The following MKLN1 variants were observed in gnomAD, a reference collection of about 807,000 sequenced individuals.
MKLN1 encodes the protein muskelin 1.
In MKLN1, 18 loss-of-function variants were observed where a neutral mutation model predicts 99.0. The ratio of observed to expected loss-of-function variants is 0.18; its 90% CI spans 0.13 to 0.27. The LOEUF (loss-of-function observed/expected upper bound fraction) is 0.27. Ranked by LOEUF, MKLN1 falls within the 10% of genes least tolerant of loss-of-function variation. The probability of loss-of-function intolerance (pLI) is 1.00; values close to 1 mark genes in which losing one functional copy is unlikely to be tolerated. For synonymous variants in MKLN1, 288 were observed against 293.2 expected, an observed-to-expected ratio of 0.98 and a Z score of 0.18; for missense variants, 621 against 875.9, an observed-to-expected ratio of 0.71 and a Z score of 3.67.
chr7:131,270,062 T>A (rs1335652414), intron 3 of MKLN1, among the ~76,000 whole-genome samples: 1 of 151,776 alleles, frequency 6.6e-6, no homozygotes, highest in African/African-American at 2.4e-5. Flanking sequence ...TAGCTGGGAC[T>A]ACAGGCATTG....
intron 1 of MKLN1, among the ~76,000 whole-genome samples, chr7:131,347,318 AGGAACCT>A (rs1799592220): frequency 6.6e-6 from 1 of 152,228 alleles, no homozygotes; most frequent in Non-Finnish European, 1.5e-5. Flanking sequence ...ATTCAGATGC[AGGAACCT>A]GGTGCTAGAG....
In MKLN1 at chr7:131,133,424, G is replaced by A. The variant is rs183557883; in HGVS notation, c.-418-9396G>A. 1.9e-3 allele frequency among the ~76,000 whole-genome samples: 268 copies of A among 139,510 alleles called. 1 individual carries two copies. The highest frequency in any genetic ancestry group is 6.7e-3 in the African/African-American group (247 of 36,918). 91.5% of individuals were successfully genotyped at this position (139,510 alleles called of 152,430 possible). A position where few individuals can be genotyped will look rare whatever the true frequency, so the allele number is the denominator to read the frequency against. On this transcript the variant is annotated intron_variant, in intron 1 of 7. Coordinates refer to the MKLN1 transcript ENST00000416992. ...GGCTGGAGTGCAGTGGCGTGATCTC[G>A]GCTTACTGCAACCTCCGCTCCCAGG...
At chr7:131,293,125 A>T (rs1798245687) in intron 3 of MKLN1, among the ~76,000 whole-genome samples, 1 of 152,164 alleles carries the variant, frequency 6.6e-6, no homozygotes, top group Admixed American at 6.5e-5. Context: ...AGAGGCTTCT[A>T]CACTCTTTCA....
At chr7:131,155,879 C>T (rs1415940526) in intron 2 of MKLN1, among the ~76,000 whole-genome samples, 1 of 152,140 alleles carries the variant, frequency 6.6e-6, no homozygotes, top group African/African-American at 2.4e-5. Flanking sequence ...GAAGGCAATA[C>T]GCAAAACCAA....
chr7:131,143,924 C>T (rs891132079), intron 2 of MKLN1, among the ~76,000 whole-genome samples: 1 of 152,224 alleles, frequency 6.6e-6, no homozygotes, highest in Admixed American at 6.5e-5. Context: ...ATGTGTAGTT[C>T]AACCATACTC....
In MKLN1 at chr7:131,470,094, T is replaced by C. The variant is rs956954881; in HGVS notation, c.1929-748T>C. Among the ~76,000 whole-genome samples, 3 of 152,280 alleles carry C rather than the reference T, an allele frequency of 2.0e-5. No individual in the cohort carries two copies. In the South Asian group the frequency reaches 6.2e-4, roughly 32 times the overall value. Reference sequence around the variant, plus strand: ...GTTGGCCAAGCTGGTTTCAAACTCCTGGACTCAAGCAGTCCACCCACCTTG... The same window carrying C: ...GTTGGCCAAGCTGGTTTCAAACTCCCGGACTCAAGCAGTCCACCCACCTTG... On this transcript the variant is annotated intron_variant, in intron 15 of 17. Transcript: ENST00000352689.
At chr7:131,142,960 G>GT in intron 2 of MKLN1, 1 of 1,304,206 alleles carries the variant, frequency 7.7e-7, no homozygotes, top group Non-Finnish European at 1.0e-6. Context: ...TGATGTTTTA[G>GT]TTTTTTCTTT....
At chr7:131,440,480 GAAAAACTA>G (rs1340915612) in intron 10 of MKLN1, among the ~76,000 whole-genome samples, 1 of 151,896 alleles carries the variant, frequency 6.6e-6, no homozygotes, top group Non-Finnish European at 1.5e-5. Context: ...AATTACATAT[GAAAAACTA>G]AAAAGCAATA....
intron 3 of MKLN1, among the ~76,000 whole-genome samples, chr7:131,228,571 G>A (rs73491133): frequency 0.027 from 4,102 of 152,128 alleles, 157 homozygotes; most frequent in African/African-American, 0.092. Context: ...TCTCAGCCTC[G>A]CTTTCTTCAT....
chr7:131,413,638 C>T (rs1246542893), intron 7 of MKLN1, among the ~76,000 whole-genome samples: 2 of 151,950 alleles, frequency 1.3e-5, no homozygotes, highest in Admixed American at 6.6e-5. Flanking sequence ...CTCCTGAGTT[C>T]AAGTGATTCT....
In MKLN1 at chr7:131,443,588, C is replaced by T. The variant is rs747534838; in HGVS notation, c.1281C>T (p.Gly427=). Residue 427 remains glycine, a synonymous_variant, in exon 11 of 18, where the codon GGC becomes GGT. Transcript: ENST00000352689. ...GAGCCAGTGAACCACAATTCAGTGG[C>T]TTGTTTGCTTTCAACTGTCAATGTC... ...DSRASEPQFS[G]LFAFNCQCQT... is the part of the protein sequence containing the mutation. 1 of 1,614,042 alleles carries T rather than the reference C, an allele frequency of 6.2e-7. No homozygotes were observed. Among genetic ancestry groups the T allele is most frequent in the Non-Finnish European group, 8.5e-7 (1 of 1,179,900 alleles).
intron 3 of MKLN1, among the ~76,000 whole-genome samples, chr7:131,299,387 G>A (rs1798342478): frequency 6.6e-6 from 1 of 152,144 alleles, no homozygotes; most frequent in African/African-American, 2.4e-5. Flanking sequence ...GGAATCTGGG[G>A]CCAATACAGG....
intron 2 of MKLN1, among the ~76,000 whole-genome samples, chr7:131,198,106 G>C (rs1796675837): frequency 6.6e-6 from 1 of 152,194 alleles, no homozygotes; most frequent in Non-Finnish European, 1.5e-5. Flanking sequence ...TTATTGGTCT[G>C]TGGTATTCAT....
chr7:131,301,990 T>G lies in MKLN1; in HGVS notation c.-178-73434T>G, dbSNP rs79170957. Among the ~76,000 whole-genome samples, 1,255 of 152,308 alleles carry G rather than the reference T, an allele frequency of 8.2e-3. 20 individuals are homozygous for G. The highest frequency in any genetic ancestry group is 0.029 in the African/African-American group (1,212 of 41,576). On this transcript the variant is annotated intron_variant, in intron 3 of 7. Transcript: ENST00000416992. ...AGGGATTCTGATATGACAACTTTCA[T>G]GTGAAATAGGAAAAGTTTAATTGAC... is the stretch of plus-strand genomic sequence containing the variant.
chr7:131,333,702 A>G (rs1799165371), intron 1 of MKLN1, among the ~76,000 whole-genome samples: 1 of 152,008 alleles, frequency 6.6e-6, no homozygotes, highest in Non-Finnish European at 1.5e-5. Context: ...ATACCCAGCT[A>G]ATTTTTTGTA....
chr7:131,483,231 C>T (rs1484231154), intron 17 of MKLN1, among the ~76,000 whole-genome samples: 2 of 152,158 alleles, frequency 1.3e-5, no homozygotes, highest in African/African-American at 4.8e-5. Flanking sequence ...CCTAGATCCC[C>T]ACCCCTTTTT....
intron 8 of MKLN1, among the ~76,000 whole-genome samples, chr7:131,418,369 CAAAAAAAAAAAAAAA>C (rs943898750): frequency 5.5e-5 from 3 of 54,784 alleles, no homozygotes; most frequent in South Asian, 1.4e-3. Context: ...GACTTCGTCT[CAAAAAAAAAAAAAAA>C]AAAAAAAAGA....
At chr7:131,201,324 T>C (rs2895224) in intron 2 of MKLN1, among the ~76,000 whole-genome samples, 75,561 of 152,050 alleles carry the variant, frequency 0.5, 19,386 homozygotes, top group South Asian at 0.64. Context: ...CCGGCCCCAC[T>C]TCAATTTTTT....
intron 2 of MKLN1, among the ~76,000 whole-genome samples, chr7:131,381,234 A>G (rs1451657010): frequency 6.6e-6 from 1 of 152,218 alleles, no homozygotes; most frequent in Non-Finnish European, 1.5e-5. Flanking sequence ...TATGTCAATT[A>G]AAAAGACATT....
Sources: allele counts gnomAD v4.1 joint callset (sites outside exome capture counted in the v4.1 genomes callset), GRCh38; gene constraint gnomAD v4.1.1; transcripts MANE v1.5; gene names NCBI Gene and HGNC (gene_info 2026-07-23, HGNC 2026-07-21).